Variants in CELF2 observed in about 807,000 individuals in gnomAD.
The protein encoded by CELF2 is CUGBP Elav-like family member 2.
Under a neutral mutation model 62.6 loss-of-function variants are expected in CELF2, and 8 were observed. The observed-to-expected ratio is 0.13, with a 90% CI of 0.07 to 0.23. CELF2 has a LOEUF of 0.23. Ranked by LOEUF, CELF2 falls within the 10% of genes least tolerant of loss-of-function variation. The pLI, the probability that CELF2 is intolerant of heterozygous loss-of-function variation, is 1.00. For missense variants in CELF2, 333 were observed against 671.0 expected (o/e 0.50, Z 5.56); for synonymous variants, 258 against 250.0 (o/e 1.03, Z -0.30).
At chr10:11,066,882 C>T (rs1302396593) in intron 1 of CELF2, among the ~76,000 whole-genome samples, 3 of 152,102 alleles carry the variant, frequency 2.0e-5, no homozygotes. Context: ...GCATCTCCTC[C>T]CTTCCCCCTG....
At chr10:11,295,487 A>G (rs1457602302) in intron 9 of CELF2, among the ~76,000 whole-genome samples, 1 of 152,216 alleles carries the variant, frequency 6.6e-6, no homozygotes, top group Non-Finnish European at 1.5e-5. Flanking sequence ...GAATGAGACC[A>G]AGAGTGGGAG....
the CELF2 span, among the ~76,000 whole-genome samples, chr10:10,577,550 C>G: frequency 6.6e-6 from 1 of 151,272 alleles, no homozygotes; most frequent in East Asian, 2.0e-4. Context: ...TGATGTTCCC[C>G]TTCCTGTGTC....
At chr10:10,771,373 T>C in the CELF2 span, among the ~76,000 whole-genome samples, 16 of 152,194 alleles carry the variant, frequency 1.1e-4, no homozygotes, top group Admixed American at 7.9e-4. Context: ...GGCAGAAGCC[T>C]GTCTTTAGAA....
chr10:11,183,233 T>C (rs1223898351), intron 2 of CELF2, among the ~76,000 whole-genome samples: 3 of 152,232 alleles, frequency 2.0e-5, no homozygotes, highest in African/African-American at 7.2e-5. Context: ...ATGTGCTTTC[T>C]TGGATCTGGC....
At position 11,243,762 on chromosome 10, in the gene CELF2, A is replaced by G. The variant is rs1247663987; in HGVS notation, c.355-5391A>G. ...GACCACTGAAGATTTTTTTAGATACAGCCCATACTGTGTCTGAAAAATACT... is the reference window on the plus strand; with the variant it reads ...GACCACTGAAGATTTTTTTAGATACGGCCCATACTGTGTCTGAAAAATACT... On this transcript the variant is annotated intron_variant, in intron 3 of 12. Transcript: ENST00000633077. The surrounding 1 kb of genome is among the most constrained non-coding windows in gnomAD (Gnocchi z 4.1). Among the ~76,000 whole-genome samples, 1 of 152,264 alleles carries G rather than the reference A, an allele frequency of 6.6e-6. No homozygotes were observed. Among genetic ancestry groups the G allele is most frequent in the Non-Finnish European group, 1.5e-5 (1 of 68,040 alleles).
At chr10:11,294,605 C>G (rs939117250) in intron 9 of CELF2, among the ~76,000 whole-genome samples, 18 of 152,216 alleles carry the variant, frequency 1.2e-4, no homozygotes, top group African/African-American at 4.3e-4. Flanking sequence ...ATGGGCTGTT[C>G]ATGTGTGGGT....
intron 2 of CELF2, among the ~76,000 whole-genome samples, chr10:10,945,757 C>T (rs137947461): frequency 1.3e-3 from 205 of 152,272 alleles, no homozygotes; most frequent in Middle Eastern, 6.8e-3. Flanking sequence ...CACCTAATGT[C>T]CTGGGGGAGT....
chr10:10,617,365 G>A, the CELF2 span, among the ~76,000 whole-genome samples: 1 of 152,050 alleles, frequency 6.6e-6, no homozygotes, highest in African/African-American at 2.4e-5. Flanking sequence ...AAGCCAGCTG[G>A]GCACAAGAGG....
intron 2 of CELF2, among the ~76,000 whole-genome samples, chr10:11,200,484 A>G (rs953801549): frequency 6.6e-6 from 1 of 152,250 alleles, no homozygotes; most frequent in Non-Finnish European, 1.5e-5. Flanking sequence ...GAATGTGGGC[A>G]TGTGCTTATT....
chr10:11,222,689 G>A (rs527937453), intron 3 of CELF2, among the ~76,000 whole-genome samples: 3 of 152,290 alleles, frequency 2.0e-5, no homozygotes, highest in East Asian at 3.9e-4. Flanking sequence ...ATGCTTACAC[G>A]TGGTATGTGT....
chr10:10,469,342 T>C, the CELF2 span, among the ~76,000 whole-genome samples: 2 of 151,902 alleles, frequency 1.3e-5, no homozygotes, highest in Admixed American at 6.6e-5. Context: ...TCAAGTGAAA[T>C]GTTAAGTAGA....
the CELF2 span, among the ~76,000 whole-genome samples, chr10:10,522,717 A>T: frequency 6.6e-6 from 1 of 152,060 alleles, no homozygotes; most frequent in Admixed American, 6.5e-5. Flanking sequence ...TTACACGCAC[A>T]TGCCACCATG....
At chr10:11,134,263 G>A (rs771731832) in intron 1 of CELF2, among the ~76,000 whole-genome samples, 18 of 152,194 alleles carry the variant, frequency 1.2e-4, no homozygotes, top group South Asian at 2.1e-4. Context: ...CAGGAGGAAC[G>A]TTGGCCTCTC....
intron 1 of CELF2, among the ~76,000 whole-genome samples, chr10:10,848,773 G>A (rs1200262876): frequency 6.6e-6 from 1 of 152,098 alleles, no homozygotes; most frequent in Non-Finnish European, 1.5e-5. Flanking sequence ...CATGAAATAC[G>A]GTAGAGTTTC....
chr10:10,566,588 T>TC, the CELF2 span, among the ~76,000 whole-genome samples: 1,355 of 122,556 alleles, frequency 0.011, 14 homozygotes, highest in Middle Eastern at 0.026. Context: ...CCCACCACAG[T>TC]CCCCAGAGTG....
the CELF2 span, among the ~76,000 whole-genome samples, chr10:10,505,674 C>T: frequency 3.3e-5 from 5 of 152,194 alleles, no homozygotes; most frequent in African/African-American, 1.2e-4. Flanking sequence ...AGGTTCCCCA[C>T]TCAGCCTCTG....
At position 11,165,721 on chromosome 10, in the gene CELF2, G is replaced by A; in HGVS notation, c.271+39G>A. 6.4e-7 allele frequency: 1 copy of A among 1,556,218 alleles called. No homozygotes were observed. On this transcript the variant is annotated intron_variant, in intron 2 of 12. Transcript: ENST00000633077. This position sits in a 1 kb window ranked among gnomAD's most constrained non-coding sequence, Gnocchi z 7.4. ...GGCGGGGGTCGCCAGGCGTCCAGGT[G>A]GGCGTCGCGGGGCACTGGGGCTGTC...
chr10:10,846,309 T>C (rs2059009195), intron 1 of CELF2, among the ~76,000 whole-genome samples: 1 of 152,188 alleles, frequency 6.6e-6, no homozygotes, highest in African/African-American at 2.4e-5. Context: ...AGCTTTATTT[T>C]TGCTGACAAT....
the CELF2 span, among the ~76,000 whole-genome samples, chr10:10,598,148 C>A: frequency 1.3e-5 from 2 of 152,030 alleles, no homozygotes; most frequent in South Asian, 2.1e-4. Context: ...GGACATAGAG[C>A]GCTTAGAAAA....
Sources: allele counts gnomAD v4.1 joint callset (sites outside exome capture counted in the v4.1 genomes callset), GRCh38; gene constraint gnomAD v4.1.1; non-coding constraint Gnocchi (gnomAD v3.1); transcripts MANE v1.5; gene names NCBI Gene and HGNC (gene_info 2026-07-23, HGNC 2026-07-21).